The following ACSM3 variants were observed in gnomAD, a reference collection of about 807,000 sequenced individuals.
The protein encoded by ACSM3 is acyl-coenzyme A synthetase ACSM3, mitochondrial.
ACSM3 carries 61 observed loss-of-function variants against 74.1 expected under a neutral mutation model. The ratio of observed to expected loss-of-function variants is 0.82; its 90% CI spans 0.67 to 1.02. ACSM3 has a LOEUF of 1.02. Among genes scored for constraint, ACSM3 ranks in the 50% least tolerant of loss-of-function variants. ACSM3 has a pLI of 0.00. For synonymous variants in ACSM3, 213 were observed against 241.5 expected, an observed-to-expected ratio of 0.88 and a Z score of 1.09; for missense variants, 660 against 697.0, an observed-to-expected ratio of 0.95 and a Z score of 0.60.
rs560035176 is a variant in ACSM3, at chr16:20,782,497, A to G, written c.1019+710A>G. ...GCAACCACTATTTTACTATATTCAC[A>G]ACACTCAATACTCTGGGTCTCCAGA... On this transcript the variant is annotated intron_variant, in intron 7 of 13. Coordinates refer to ENST00000289416, the MANE Select transcript of ACSM3 (RefSeq NM_005622.4). Among the ~76,000 whole-genome samples the G allele has an allele frequency of 7.9e-5, 12 of 152,292 alleles. No individual in the cohort carries two copies. The South Asian group carries it at 2.5e-3, about 32-fold the overall frequency.
At chr16:20,731,237 C>T (rs773331651) in intron 1 of ACSM3, among the ~76,000 whole-genome samples, 7 of 152,132 alleles carry the variant, frequency 4.6e-5, no homozygotes, top group Admixed American at 6.5e-5. Context: ...CCCTTGAAAC[C>T]ACATATTCTC....
At chr16:20,695,554 G>A (rs1424569614) in intron 1 of ACSM3, among the ~76,000 whole-genome samples, 4 of 151,238 alleles carry the variant, frequency 2.6e-5, no homozygotes, top group Non-Finnish European at 5.9e-5. Context: ...CTGATTATCT[G>A]TCTATCTATC....
At chr16:20,689,067 C>T (rs1265606337) in intron 1 of ACSM3, among the ~76,000 whole-genome samples, 1 of 149,340 alleles carries the variant, frequency 6.7e-6, no homozygotes. Context: ...AAGCAATATA[C>T]AAAAATGTTA....
At chr16:20,725,041 T>C (rs993000008) in intron 1 of ACSM3, among the ~76,000 whole-genome samples, 1 of 152,096 alleles carries the variant, frequency 6.6e-6, no homozygotes, top group Admixed American at 6.6e-5. Context: ...CTTTAAAGTT[T>C]ATATGGAACC....
chr16:20,700,368 G>A (rs1206595291), intron 1 of ACSM3, among the ~76,000 whole-genome samples: 3 of 152,126 alleles, frequency 2.0e-5, no homozygotes, highest in African/African-American at 7.2e-5. Context: ...TTCAAATGGT[G>A]ATACTGCCAA....
chr16:20,685,217 C>G (rs372126227), intron 1 of ACSM3: 1 of 1,614,186 alleles, frequency 6.2e-7, no homozygotes, highest in Non-Finnish European at 8.5e-7. Flanking sequence ...CCCACAGCCA[C>G]CAGCCACCAC....
At chr16:20,738,895 A>C in intron 1 of ACSM3, 1 of 1,614,026 alleles carries the variant, frequency 6.2e-7, no homozygotes, top group South Asian at 1.1e-5. Flanking sequence ...TATTTGTCAC[A>C]CCTATCCCAA....
At chr16:20,682,791 G>A (rs1453516142) in intron 1 of ACSM3, among the ~76,000 whole-genome samples, 1 of 152,214 alleles carries the variant, frequency 6.6e-6, no homozygotes, top group East Asian at 1.9e-4. Flanking sequence ...TGGAAGTATA[G>A]ATGTAAACAG....
In ACSM3 at chr16:20,742,813, A is replaced by ATATATT. The variant is rs61582869; in HGVS notation, c.-189-7096_-189-7095insATATTT. Among the ~76,000 whole-genome samples the ATATATT allele has an allele frequency of 1.1e-3, 75 of 66,818 alleles. 3 individuals are homozygous for ATATATT. The South Asian group carries it at 0.024, about 21-fold the overall frequency. 43.8% of individuals were successfully genotyped at this position (66,818 alleles called of 152,430 possible). ...TGTAAATATATATATATATATATAT[A>ATATATT]TTTTTTTTTTTTCCCTTCTCCCCTT... On this transcript the variant is annotated intron_variant, in intron 1 of 3. Coordinates refer to the ACSM3 transcript ENST00000561584.
rs936543191 is a variant in ACSM3, at chr16:20,785,328, C to T, written c.1143+221C>T. Among the ~76,000 whole-genome samples the T allele has an allele frequency of 7.9e-5, 12 of 152,152 alleles. 1 individual carries two copies. The highest frequency in any genetic ancestry group is 1.8e-4 in the Non-Finnish European group (12 of 68,028). On this transcript the variant is annotated intron_variant, in intron 8 of 13. Coordinates refer to ENST00000289416, the MANE Select transcript of ACSM3 (RefSeq NM_005622.4). ...TTGACAAACACCACTGTTAATGGAT[C>T]AGAGTAAGGGCATTACAATATTTTT...
At chr16:20,737,325 A>G (rs1410147830) in intron 1 of ACSM3, 1 of 1,561,094 alleles carries the variant, frequency 6.4e-7, no homozygotes, top group South Asian at 1.2e-5. Flanking sequence ...TGAGGAGGAT[A>G]CCATTACATC....
Position 20,775,764 on chromosome 16 carries a change from T to C in ACSM3, c.220-75T>C, listed in dbSNP as rs2080247753. The C allele has an allele frequency of 1.8e-5, 26 of 1,451,382 alleles. No individual in the cohort carries two copies. In the East Asian group the frequency reaches 5.5e-4, roughly 30 times the overall value. The allele number at this position is 1,451,382 out of a possible 1,614,324, so 89.9% of individuals were successfully genotyped here. A position where few individuals can be genotyped will look rare whatever the true frequency, so the allele number is the denominator to read the frequency against. The stretch of plus-strand genomic sequence containing the variant: ...TTGCGAACTTTCTTCAGCTAATCTA[T>C]TCCATTGAGTCAGTTGGCCCAGAAT... On this transcript the variant is annotated intron_variant, in intron 2 of 13. Transcript: ENST00000289416.
chr16:20,727,570 T>C, intron 1 of ACSM3: 1 of 252,406 alleles, frequency 4.0e-6, no homozygotes, highest in South Asian at 4.3e-5. Flanking sequence ...CTCTAAATTT[T>C]TACAGTTTCC....
intron 4 of ACSM3, among the ~76,000 whole-genome samples, chr16:20,779,242 G>T (rs778302105): frequency 6.6e-6 from 1 of 151,786 alleles, no homozygotes; most frequent in African/African-American, 2.4e-5. Context: ...GGGAAACACA[G>T]TGAAACCTCT....
At chr16:20,765,628 G>A (rs2152450058) in intron 1 of ACSM3, among the ~76,000 whole-genome samples, 1 of 152,270 alleles carries the variant, frequency 6.6e-6, no homozygotes, top group South Asian at 2.1e-4. Flanking sequence ...CTTCATGGGA[G>A]CAAGACCAGC....
At chr16:20,779,286 G>T (rs2080299933) in intron 4 of ACSM3, among the ~76,000 whole-genome samples, 1 of 151,746 alleles carries the variant, frequency 6.6e-6, no homozygotes, top group Non-Finnish European at 1.5e-5. Flanking sequence ...AGCCAGGCAT[G>T]GTGATGCATA....
chr16:20,739,034 C>T (rs1189046906), intron 1 of ACSM3: 1 of 1,614,208 alleles, frequency 6.2e-7, no homozygotes, highest in South Asian at 1.1e-5. Context: ...ATCATCCTCT[C>T]CCTCACTTCC....
intron 1 of ACSM3, among the ~76,000 whole-genome samples, chr16:20,675,484 G>C (rs187333503): frequency 6.1e-4 from 93 of 152,256 alleles, no homozygotes; most frequent in African/African-American, 2.2e-3. Flanking sequence ...TCCTGTAATA[G>C]GACCCAGTCT....
intron 1 of ACSM3, chr16:20,739,063 G>A (rs1159608217): frequency 6.2e-6 from 10 of 1,614,032 alleles, no homozygotes; most frequent in Admixed American, 1.7e-5. Context: ...GCTGATCCTT[G>A]TCTGTAAACT....
Sources: gnomAD v4.1 joint callset for allele counts (sites outside exome capture counted in the v4.1 genomes callset) on GRCh38, gnomAD v4.1.1 for gene constraint, MANE v1.5 for transcripts, NCBI Gene and HGNC (gene_info 2026-07-23, HGNC 2026-07-21) for gene names.